CLSTN1: variants seen among roughly 807,000 people sequenced by gnomAD.
CLSTN1 encodes calsyntenin 1.
In CLSTN1, 28 loss-of-function variants were observed where a neutral mutation model predicts 108.3. The observed-to-expected ratio is 0.26, with a 90% CI of 0.19 to 0.35. CLSTN1 has a LOEUF of 0.35. Among genes scored for constraint, CLSTN1 ranks in the 10% least tolerant of loss-of-function variants. CLSTN1 has a pLI of 1.00. For missense variants in CLSTN1, 1,157 were observed against 1,302.6 expected (o/e 0.89, Z 1.72); for synonymous variants, 524 against 534.9 (o/e 0.98, Z 0.28).
intron 1 of CLSTN1, among the ~76,000 whole-genome samples, chr1:9,789,831 T>C (rs975519499): frequency 6.6e-6 from 1 of 150,972 alleles, no homozygotes; most frequent in Non-Finnish European, 1.5e-5. Context: ...ATACAAAAAT[T>C]AGCCAGGCGT....
intron 1 of CLSTN1, among the ~76,000 whole-genome samples, chr1:9,816,536 T>TTAA (rs1273950193): frequency 2.8e-5 from 4 of 141,204 alleles, no homozygotes; most frequent in East Asian, 2.0e-4. Context: ...AAAGCTGCTT[T>TTAA]AAAAAAAAAA....
intron 1 of CLSTN1, among the ~76,000 whole-genome samples, chr1:9,775,059 C>T (rs985895830): frequency 6.6e-6 from 1 of 152,094 alleles, no homozygotes; most frequent in Non-Finnish European, 1.5e-5. Flanking sequence ...GCAGTGAGGA[C>T]GACCAGAAGT....
chr1:9,762,095 TA>T (rs369141750), intron 2 of CLSTN1, among the ~76,000 whole-genome samples: 1 of 152,182 alleles, frequency 6.6e-6, no homozygotes, highest in Non-Finnish European at 1.5e-5. Context: ...TTCACTTGGC[TA>T]GGGGAAGCTG....
At chr1:9,784,561 G>A (rs1653395870) in intron 1 of CLSTN1, among the ~76,000 whole-genome samples, 1 of 152,276 alleles carries the variant, frequency 6.6e-6, no homozygotes, top group Non-Finnish European at 1.5e-5. Context: ...CTCTTATCAT[G>A]ACACGTAGGT....
intron 1 of CLSTN1, among the ~76,000 whole-genome samples, chr1:9,788,452 C>A (rs750908541): frequency 2.7e-5 from 4 of 150,938 alleles, no homozygotes; most frequent in Non-Finnish European, 4.4e-5. Context: ...ATGCTAATTC[C>A]AGTCACTTGG....
At chr1:9,742,514 T>A (rs2101091944) in intron 9 of CLSTN1, among the ~76,000 whole-genome samples, 1 of 152,316 alleles carries the variant, frequency 6.6e-6, no homozygotes, top group South Asian at 2.1e-4. Flanking sequence ...AGTATATACT[T>A]AGAAGAAACT....
At chr1:9,733,319 C>A in intron 16 of CLSTN1, 82 bp downstream of exon 16, 1 of 1,541,772 alleles carries the variant, frequency 6.5e-7, no homozygotes, top group South Asian at 1.1e-5. Flanking sequence ...CTGAGGTTGG[C>A]GTTTGTGAAT....
In CLSTN1 at chr1:9,735,740, A is replaced by G; in HGVS notation, c.1735-125T>C. On this transcript the variant is annotated intron_variant, in intron 12 of 18. Transcript: ENST00000377298. ...TTGAATTGCTGACTTGAAAAAGAAA[A>G]GCTCGTTTAAGTCCAGTGAACACAA... 9 of 1,495,642 alleles carry G rather than the reference A, an allele frequency of 6.0e-6. No homozygotes were observed. The South Asian group carries it at 1.1e-4, about 19-fold the overall frequency. 92.6% of individuals were successfully genotyped at this position (1,495,642 alleles called of 1,614,324 possible).
chr1:9,801,613 G>A (rs1477606464), intron 1 of CLSTN1, among the ~76,000 whole-genome samples: 1 of 152,184 alleles, frequency 6.6e-6, no homozygotes, highest in Admixed American at 6.5e-5. Context: ...GGAGCGCAGT[G>A]GCACGATCTC....
chr1:9,751,698 A>G lies in CLSTN1; in HGVS notation c.441-17T>C. The G allele has an allele frequency of 1.2e-6, 2 of 1,609,586 alleles. No individual in the cohort carries two copies. Among genetic ancestry groups the G allele is most frequent in the Non-Finnish European group, 1.7e-6 (2 of 1,176,002 alleles). ...ACAGTTGCTCTGGACAAAGGGAGGG[A>G]GAAAAATATTTTTCTGCTTGTTTTC... On this transcript the variant is annotated splice_polypyrimidine_tract_variant and intron_variant, in intron 4 of 18. Coordinates refer to ENST00000377298, the MANE Select transcript of CLSTN1 (RefSeq NM_001009566.3).
At chr1:9,772,202 G>A (rs2101158631) in intron 2 of CLSTN1, among the ~76,000 whole-genome samples, 1 of 140,170 alleles carries the variant, frequency 7.1e-6, no homozygotes, top group African/African-American at 2.7e-5. Context: ...AGCCAGGATG[G>A]TCTCGATCTC....
intron 1 of CLSTN1, among the ~76,000 whole-genome samples, chr1:9,782,135 G>C (rs941884179): frequency 6.6e-6 from 1 of 152,122 alleles, no homozygotes; most frequent in African/African-American, 2.4e-5. Flanking sequence ...TAAACAGTTT[G>C]TTGGGCAGCT....
rs147362643 is a variant in CLSTN1, at chr1:9,735,971, C to T, written c.1648G>A (p.Ala550Thr). ...AGLTLRSGKL[A>T]DKKVIDCLYT... is the part of the protein sequence containing the mutation. Reference sequence around the variant, plus strand: ...AGACAGTCGATCACCTTCTTATCCGCGAGTTTCCCGGAACGGAGAGTTAAG... The same window carrying T: ...AGACAGTCGATCACCTTCTTATCCGTGAGTTTCCCGGAACGGAGAGTTAAG... Residue 550 changes from alanine (A) to threonine (T), a missense_variant, in exon 12 of 19, where the codon GCG (alanine) becomes ACG (threonine). By Grantham distance (58) the Ala-to-Thr change is moderately conservative (BLOSUM62 0). Coordinates refer to ENST00000377298, the MANE Select transcript of CLSTN1 (RefSeq NM_001009566.3). 6 of 1,614,062 alleles carry T rather than the reference C, an allele frequency of 3.7e-6. No homozygotes were observed. In the African/African-American group the frequency reaches 5.3e-5, roughly 14 times the overall value.
At chr1:9,746,739 C>T (rs1651286524) in intron 7 of CLSTN1, among the ~76,000 whole-genome samples, 1 of 151,108 alleles carries the variant, frequency 6.6e-6, no homozygotes, top group African/African-American at 2.4e-5. Flanking sequence ...CACACACACA[C>T]ACTAGAACCT....
chr1:9,772,879 T>C (rs1416083575), intron 2 of CLSTN1, among the ~76,000 whole-genome samples: 2 of 152,130 alleles, frequency 1.3e-5, no homozygotes, highest in South Asian at 2.1e-4. Flanking sequence ...TCCATGCCAC[T>C]TGAGGACCAG....
At chr1:9,805,081 T>C (rs987415780) in intron 1 of CLSTN1, among the ~76,000 whole-genome samples, 4 of 151,692 alleles carry the variant, frequency 2.6e-5, no homozygotes, top group African/African-American at 7.3e-5. Context: ...GATCGCGCCA[T>C]AGTACTCCAG....
At chr1:9,788,023 G>A (rs543787384) in intron 1 of CLSTN1, among the ~76,000 whole-genome samples, 69 of 151,524 alleles carry the variant, frequency 4.6e-4, no homozygotes, top group African/African-American at 1.6e-3. Context: ...AGGAAGCTGA[G>A]GAAGGTGGAT....
chr1:9,748,035 CTCTG>C, intron 7 of CLSTN1, among the ~76,000 whole-genome samples: 2 of 147,940 alleles, frequency 1.4e-5, no homozygotes, highest in Admixed American at 1.3e-4. Context: ...CAGAGTGAGA[CTCTG>C]TCTAAAAAAA....
Position 9,748,545 on chromosome 1 carries a change from C to T in CLSTN1, c.985+916G>A, listed in dbSNP as rs145165428. ...CTCTGTCATCCAGGCTGGAATGCAG[C>T]GGCGTGATCTTGGCTCACTGCAACG... On this transcript the variant is annotated intron_variant, in intron 7 of 18. Transcript: ENST00000377298. Among the ~76,000 whole-genome samples, 662 of 152,304 alleles carry T rather than the reference C, an allele frequency of 4.3e-3. 12 individuals are homozygous for T. Among genetic ancestry groups the T allele is most frequent in the East Asian group, 0.043 (221 of 5,184 alleles).
Sources: gnomAD v4.1 joint callset for allele counts (sites outside exome capture counted in the v4.1 genomes callset) on GRCh38, gnomAD v4.1.1 for gene constraint, MANE v1.5 for transcripts, NCBI Gene and HGNC (gene_info 2026-07-23, HGNC 2026-07-21) for gene names.